Variants in PPP1R15A observed in about 807,000 individuals in gnomAD.
PPP1R15A encodes protein phosphatase 1 regulatory subunit 15A.
In PPP1R15A, 43 loss-of-function variants were observed where a neutral mutation model predicts 48.5. The ratio of observed to expected loss-of-function variants is 0.89; its 90% confidence interval spans 0.69 to 1.14. The LOEUF is 1.14. PPP1R15A is among the 50% of genes most tolerant of loss of function. PPP1R15A has a pLI of 0.00. For missense variants in PPP1R15A, 868 were observed against 847.2 expected (o/e 1.02, Z -0.30); for synonymous variants, 327 against 327.4 (o/e 1.00, Z 0.01).
At position 48,875,663 on chromosome 19, in the gene PPP1R15A, G is replaced by A. The variant is rs1321563524; in HGVS notation, c.1715G>A (p.Gly572Glu). 6 of 1,609,642 alleles carry A rather than the reference G, an allele frequency of 3.7e-6. No homozygotes were observed. The African/African-American group carries it at 6.7e-5, about 18-fold the overall frequency. Reference protein sequence around the residue: ...VTVHFLAVWAGPAQAARQGPW... With the variant: ...VTVHFLAVWAEPAQAARQGPW... ...GTCCATTTCCTGGCTGTCTGGGCAG[G>A]GCCGGCCCAGGCCGCCCGCCAGGGC... The change falls in exon 3 of 3, where the codon GGG becomes GAG. Residue 572 changes from glycine to glutamate, a missense_variant. Gly to Glu is a moderately conservative substitution (Grantham distance 98). Transcript: ENST00000200453.
chr19:48,874,371 C>T lies in PPP1R15A; in HGVS notation c.1138C>T (p.Pro380Ser). The T allele has an allele frequency of 6.2e-7, 1 of 1,613,774 alleles. No homozygotes were observed. Among genetic ancestry groups the T allele is most frequent in the Non-Finnish European group, 8.5e-7 (1 of 1,179,928 alleles). ...EGEAEASSST[P>S]ATGVFLKSWV... ...AGAAGCTGAGGCTTCCTCTTCCACT[C>T]CTGCTACAGGTGTCTTCTTGAAGTC... Residue 380 changes from proline (P) to serine (S), a missense_variant, in exon 2 of 3, where the codon CCT (proline) becomes TCT (serine). Transcript: ENST00000200453.
intron 1 of PPP1R15A, among the ~76,000 whole-genome samples, 191 bp downstream of exon 1, chr19:48,872,842 G>C (rs1448225647): frequency 6.6e-6 from 1 of 152,186 alleles, no homozygotes; most frequent in Admixed American, 6.5e-5. Flanking sequence ...CTGCGAGGGA[G>C]GAGGGTGTGA....
chr19:48,875,720 G>A lies in PPP1R15A; in HGVS notation c.1772G>A (p.Arg591His), dbSNP rs764387649. 6.8e-6 allele frequency: 11 copies of A among 1,612,774 alleles called. No individual in the cohort carries two copies. Among genetic ancestry groups the A allele is most frequent in the East Asian group, 2.2e-5 (1 of 44,858 alleles). ...PWEQLARDRS[R>H]FARRITQAQE... The stretch of plus-strand genomic sequence containing the variant: ...GAGCAGCTTGCTCGGGATCGCAGCC[G>A]CTTCGCACGCCGCATCACCCAGGCC... The change falls in exon 3 of 3, where the codon CGC becomes CAC. Residue 591 changes from arginine to histidine, a missense_variant. Transcript: ENST00000200453.
At chr19:48,875,451 A>G in intron 2 of PPP1R15A, 163 bp from the exon 3 acceptor site, 1 of 959,624 alleles carries the variant, frequency 1.0e-6, no homozygotes, top group Non-Finnish European at 1.5e-6. Flanking sequence ...TCAGATAGAT[A>G]GAGAATCCCG....
Position 48,875,725 on chromosome 19 carries a change from GCACGCCGCATCA to G in PPP1R15A, c.1779_1790del (p.Arg594_Thr597del). 6.2e-7 allele frequency: 1 copy of G among 1,612,940 alleles called. No homozygotes were observed. The highest frequency in any genetic ancestry group is 1.1e-5 in the South Asian group (1 of 91,036). ...GCTTGCTCGGGATCGCAGCCGCTTC[GCACGCCGCATCA>G]CCCAGGCCCAGGAGGAGCTGAGCCC... is the stretch of plus-strand genomic sequence containing the variant. On this transcript the variant is annotated inframe_deletion, in exon 3 of 3. Transcript: ENST00000200453.
chr19:48,873,844 A>C lies in PPP1R15A; in HGVS notation c.611A>C (p.His204Pro), dbSNP rs772939947. The C allele has an allele frequency of 3.1e-6, 5 of 1,614,152 alleles. No individual in the cohort carries two copies. Among genetic ancestry groups the C allele is most frequent in the East Asian group, 2.2e-5 (1 of 44,878 alleles). The change falls in exon 2 of 3, where the codon CAC becomes CCC. Residue 204 changes from histidine (H) to proline (P), a missense_variant. His to Pro is a moderately conservative substitution (Grantham distance 77). Transcript: ENST00000200453. ...DDEEAVKKEAHRTSTSALSPG... is the reference protein window; with the variant it reads ...DDEEAVKKEAPRTSTSALSPG... The stretch of plus-strand genomic sequence containing the variant: ...GAAGAAGCTGTAAAGAAAGAAGCTC[A>C]CAGAACCTCTACTTCTGCCTTGTCT...
At chr19:48,875,459 C>A in intron 2 of PPP1R15A, 155 bp from the exon 3 acceptor site, 2 of 1,027,724 alleles carry the variant, frequency 1.9e-6, no homozygotes, top group South Asian at 3.3e-5. Flanking sequence ...ATAGAGAATC[C>A]CGTGACAGTG....
intron 2 of PPP1R15A, 48 bp from the exon 3 acceptor site, chr19:48,875,566 C>A: frequency 6.6e-7 from 1 of 1,526,270 alleles, no homozygotes; most frequent in Non-Finnish European, 8.8e-7. Context: ...CATCCGGATT[C>A]CCGTGGCTGT....
At position 48,875,924 on chromosome 19, in the gene PPP1R15A, C is replaced by A. The variant is rs755730793; in HGVS notation, c.1976C>A (p.Ser659Ter). The A allele has an allele frequency of 1.2e-6, 2 of 1,611,480 alleles. No individual in the cohort carries two copies. The highest frequency in any genetic ancestry group is 1.7e-5 in the Admixed American group (1 of 59,812). Residue 659 changes from serine (S) to a stop codon, truncating the protein, a stop_gained, in exon 3 of 3, where the codon TCG becomes TAG. Coordinates refer to ENST00000200453, the MANE Select transcript of PPP1R15A (RefSeq NM_014330.5). LOFTEE classifies it low-confidence loss of function (END_TRUNC). The part of the protein sequence containing the change: ...LSQAVATPSR[S>*]SAAAAAALDL... ...CAAGCTGTGGCCACACCTTCCCGCTCGTCTGCTGCTGCAGCGGCTGCCCTG... is the reference window on the plus strand; with the variant it reads ...CAAGCTGTGGCCACACCTTCCCGCTAGTCTGCTGCTGCAGCGGCTGCCCTG...
At position 48,874,593 on chromosome 19, in the gene PPP1R15A, G is replaced by A. The variant is rs748682175; in HGVS notation, c.1360G>A (p.Glu454Lys). The change falls in exon 2 of 3, where the codon GAA (glutamate) becomes AAA (lysine). Residue 454 changes from glutamate (E) to lysine (K), a missense_variant. By Grantham distance (56) the Glu-to-Lys change is moderately conservative. Transcript: ENST00000200453. ...EDEDVDSEDK[E>K]DDSEAALGEA... is the part of the protein sequence containing the mutation. ...TGAGGATGTGGATAGTGAGGATAAG[G>A]AAGATGATTCAGAAGCAGCCTTGGG... is the stretch of plus-strand genomic sequence containing the variant. The A allele has an allele frequency of 2.5e-6, 4 of 1,614,064 alleles. No individual in the cohort carries two copies. The African/African-American group carries it at 5.3e-5, about 22-fold the overall frequency.
At position 48,872,593 on chromosome 19, in the gene PPP1R15A, C is replaced by A. The variant is rs2037021014; in HGVS notation, c.-68C>A. The A allele has an allele frequency of 4.8e-6, 2 of 420,206 alleles. No individual in the cohort carries two copies. Among genetic ancestry groups the A allele is most frequent in the Non-Finnish European group, 4.9e-6 (1 of 202,512 alleles). The allele number at this position is 420,206 out of a possible 1,614,324, so 26.0% of individuals were successfully genotyped here. ...CTCCCTAACCGTCCGGACCTGTGAT[C>A]GCTTCTGGCAGACCGAACCGGCGCT... is the stretch of plus-strand genomic sequence containing the variant. On this transcript the variant is annotated 5_prime_UTR_variant, in exon 1 of 3. Coordinates refer to ENST00000200453, the MANE Select transcript of PPP1R15A (RefSeq NM_014330.5).
In PPP1R15A at chr19:48,874,679, G is replaced by C. The variant is rs1383745879; in HGVS notation, c.1446G>C (p.Trp482Cys). Residue 482 changes from tryptophan to cysteine, a missense_variant, in exon 2 of 3, where the codon TGG (tryptophan) becomes TGC (cysteine). Physicochemically the swap from Trp to Cys is radical, Grantham distance 215. Transcript: ENST00000200453. The stretch of plus-strand genomic sequence containing the variant: ...ACCAGAGGGCCCACTTCAGGGGCTG[G>C]GGATATCGACCTGGAAAAGAGACAG... ...HPDQRAHFRG[W>C]GYRPGKETEE... The C allele has an allele frequency of 9.3e-6, 15 of 1,613,718 alleles. No homozygotes were observed. The highest frequency in any genetic ancestry group is 1.3e-5 in the Non-Finnish European group (15 of 1,179,808).
Position 48,874,395 on chromosome 19 carries a change from T to G in PPP1R15A, c.1162T>G (p.Ser388Ala), listed in dbSNP as rs772845675. ...TCCTGCTACAGGTGTCTTCTTGAAG[T>G]CCTGGGTCTATCAGCCAGGAGAGGA... ...STPATGVFLK[S>A]WVYQPGEDTE... The change falls in exon 2 of 3, where the codon TCC becomes GCC. Residue 388 changes from serine (S) to alanine (A), a missense_variant. Ser to Ala is a moderately conservative substitution (Grantham distance 99). Coordinates refer to ENST00000200453, the MANE Select transcript of PPP1R15A (RefSeq NM_014330.5). 6.2e-7 allele frequency: 1 copy of G among 1,613,518 alleles called. No individual in the cohort carries two copies. The highest frequency in any genetic ancestry group is 8.5e-7 in the Non-Finnish European group (1 of 1,179,868).
chr19:48,875,556 C>G, intron 2 of PPP1R15A, 58 bp from the exon 3 acceptor site: 1 of 1,514,278 alleles, frequency 6.6e-7, no homozygotes. Context: ...CCGCCCTCCC[C>G]ATCCGGATTC....
rs564218495 is a variant in PPP1R15A at position 48,874,358 on chromosome 19, T to G, written c.1125T>G (p.Ala375=). 26 of 1,612,990 alleles carry G rather than the reference T, an allele frequency of 1.6e-5. No homozygotes were observed. Among genetic ancestry groups the G allele is most frequent in the Non-Finnish European group, 2.0e-5 (24 of 1,179,768 alleles). Reference sequence around the variant, plus strand: ...ATGAGGAAGAGGGAGAAGCTGAGGCTTCCTCTTCCACTCCTGCTACAGGTG... The same window carrying G: ...ATGAGGAAGAGGGAGAAGCTGAGGCGTCCTCTTCCACTCCTGCTACAGGTG... ...GSDEEEGEAE[A]SSSTPATGVF... The change falls in exon 2 of 3, where the codon GCT becomes GCG. Residue 375 remains alanine (A), a synonymous_variant. Transcript: ENST00000200453.
In PPP1R15A at chr19:48,875,843, A is replaced by C. The variant is rs751881103; in HGVS notation, c.1895A>C (p.Gln632Pro). The change falls in exon 3 of 3, where the codon CAG becomes CCG. Residue 632 changes from glutamine (Q) to proline (P), a missense_variant. Transcript: ENST00000200453. ...PPLAPIPALT[Q>P]TLPSSSVPSS... ...TTAGCCCCCATCCCTGCCCTCACCC[A>C]GACCTTGCCTTCCTCCTCTGTCCCT... 2.7e-5 allele frequency: 43 copies of C among 1,613,908 alleles called. No homozygotes were observed. The highest frequency in any genetic ancestry group is 3.6e-5 in the Non-Finnish European group (42 of 1,179,960).
Position 48,875,791 on chromosome 19 carries a change from G to A in PPP1R15A, c.1843G>A (p.Ala615Thr). 6.2e-7 allele frequency: 1 copy of A among 1,613,890 alleles called. No homozygotes were observed. The highest frequency in any genetic ancestry group is 1.6e-4 in the Middle Eastern group (1 of 6,062). The stretch of plus-strand genomic sequence containing the variant: ...CCTCACCCCTGCTGCCCGGGCCAGA[G>A]CCTGGGCACGCCTCAGGAACCCACC... ...PCLTPAARARAWARLRNPPLA... is the reference protein window; with the variant it reads ...PCLTPAARARTWARLRNPPLA... The change falls in exon 3 of 3, where the codon GCC (alanine) becomes ACC (threonine). Residue 615 changes from alanine to threonine, a missense_variant. Physicochemically the swap from Ala to Thr is moderately conservative, Grantham distance 58 (BLOSUM62 0). Coordinates refer to ENST00000200453, the MANE Select transcript of PPP1R15A (RefSeq NM_014330.5).
At position 48,873,708 on chromosome 19, in the gene PPP1R15A, G is replaced by C. The variant is rs144761982; in HGVS notation, c.475G>C (p.Gly159Arg). Residue 159 changes from glycine to arginine, a missense_variant, in exon 2 of 3, where the codon GGG becomes CGG. By Grantham distance (125) the Gly-to-Arg change is moderately radical (BLOSUM62 -2). Coordinates refer to ENST00000200453, the MANE Select transcript of PPP1R15A (RefSeq NM_014330.5). ...RTLQGSDKNP[G>R]EEKAEEEGVA... ...ACTGCAAGGTTCTGATAAGAACCCA[G>C]GGGAGGAGAAAGCCGAGGAAGAGGG... 6.5e-5 allele frequency: 105 copies of C among 1,614,190 alleles called. No individual in the cohort carries two copies. The African/African-American group carries it at 1.2e-3, about 18-fold the overall frequency.
In PPP1R15A at chr19:48,873,655, C is replaced by T; in HGVS notation, c.422C>T (p.Pro141Leu). 6.2e-7 allele frequency: 1 copy of T among 1,614,160 alleles called. No homozygotes were observed. Among genetic ancestry groups the T allele is most frequent in the Non-Finnish European group, 8.5e-7 (1 of 1,180,026 alleles). Reference sequence around the variant, plus strand: ...CAATTTGCAGATGGCCAGCGTGCTCCCCTGTCTCCCAGCCTTCTGATAAGG... The same window carrying T: ...CAATTTGCAGATGGCCAGCGTGCTCTCCTGTCTCCCAGCCTTCTGATAAGG... ...GSQFADGQRAPLSPSLLIRTL... is the reference protein window; with the variant it reads ...GSQFADGQRALLSPSLLIRTL... The change falls in exon 2 of 3, where the codon CCC becomes CTC. Residue 141 changes from proline (P) to leucine (L), a missense_variant. Transcript: ENST00000200453.
Sources: gnomAD v4.1 joint callset for allele counts (sites outside exome capture counted in the v4.1 genomes callset) on GRCh38, gnomAD v4.1.1 for gene constraint, MANE v1.5 for transcripts, NCBI Gene and HGNC (gene_info 2026-07-23, HGNC 2026-07-21) for gene names.